The following FARP1 variants were observed in gnomAD, a reference collection of about 807,000 sequenced individuals.
FARP1 encodes the protein FERM, ARH/RhoGEF and pleckstrin domain protein 1, also known as FERM, ARHGEF and pleckstrin domain-containing protein 1.
Under a neutral mutation model 128.8 loss-of-function variants are expected in FARP1, and 52 were observed. That is an observed-to-expected ratio of 0.40 (90% confidence interval 0.32 to 0.51). The LOEUF is 0.51. FARP1 is among the 20% of genes least tolerant of loss of function. The pLI, the probability that FARP1 is intolerant of heterozygous loss-of-function variation, is 0.45. For missense variants in FARP1, 1,333 were observed against 1,367.9 expected (o/e 0.97, Z 0.40); for synonymous variants, 580 against 551.8 (o/e 1.05, Z -0.72).
intron 2 of FARP1, among the ~76,000 whole-genome samples, chr13:98,307,302 T>A (rs1811569): frequency 6.6e-6 from 1 of 151,678 alleles, no homozygotes; most frequent in Admixed American, 6.6e-5. Flanking sequence ...TGAAATGTAT[T>A]GGAGGTTGAA....
At chr13:98,210,061 T>C (rs191199018) in intron 1 of FARP1, among the ~76,000 whole-genome samples, 2 of 151,900 alleles carry the variant, frequency 1.3e-5, no homozygotes, top group Non-Finnish European at 2.9e-5. Context: ...GATACTATAG[T>C]ACAATGTATA....
chr13:98,372,348 G>A (rs1594457323), intron 5 of FARP1, among the ~76,000 whole-genome samples: 2 of 152,160 alleles, frequency 1.3e-5, no homozygotes, highest in African/African-American at 4.8e-5. Context: ...GCCTCCCAAA[G>A]TGCTGGCATT....
In FARP1 at chr13:98,377,884, C is replaced by T. The variant is rs1448302943; in HGVS notation, c.462C>T (p.Thr154=). 1 of 1,613,732 alleles carries T rather than the reference C, an allele frequency of 6.2e-7. No homozygotes were observed. Among genetic ancestry groups the T allele is most frequent in the Non-Finnish European group, 8.5e-7 (1 of 1,179,614 alleles). The change falls in exon 6 of 27, where the codon ACC becomes ACT. Residue 154 remains threonine, a synonymous_variant. Coordinates refer to ENST00000319562, the MANE Select transcript of FARP1 (RefSeq NM_005766.4). The stretch of plus-strand genomic sequence containing the variant: ...AAGGCAGGTTGACGTGTAATGACAC[C>T]AGCGCAGCTCTCTTGATTTCACACA... ...LAQGRLTCND[T]SAALLISHIV... is the part of the protein sequence containing the mutation.
In FARP1 at chr13:98,448,165, AGCGATGCC is replaced by A. The variant is rs1183044533; in HGVS notation, c.3057-70_3057-63del. The A allele has an allele frequency of 3.9e-4, 514 of 1,309,796 alleles. No individual in the cohort carries two copies. In the African/African-American group the frequency reaches 4.8e-3, roughly 12 times the overall value. 81.1% of individuals were successfully genotyped at this position (1,309,796 alleles called of 1,614,324 possible). A position where few individuals can be genotyped will look rare whatever the true frequency, so the allele number is the denominator to read the frequency against. ...CCTGACTTCACCTTGTGTTTCTGTA[AGCGATGCC>A]CACCAAAGTGTCAGGAGTCCGTCCA... is the stretch of plus-strand genomic sequence containing the variant. On this transcript the variant is annotated intron_variant, in intron 26 of 26. Transcript: ENST00000319562.
intron 1 of FARP1, among the ~76,000 whole-genome samples, chr13:98,152,559 G>A (rs79909667): frequency 6.6e-6 from 1 of 152,070 alleles, no homozygotes; most frequent in Non-Finnish European, 1.5e-5. Flanking sequence ...TTTAGATCTT[G>A]CGCACCTGGA....
rs1238334779 is a variant in FARP1, at chr13:98,256,960, T to G, written c.171+43547T>G. Among the ~76,000 whole-genome samples, 4 of 109,498 alleles carry G rather than the reference T, an allele frequency of 3.7e-5. 1 individual carries two copies. The highest frequency in any genetic ancestry group is 2.9e-4 in the Admixed American group (3 of 10,476). The allele number at this position is 109,498 out of a possible 152,430, so 71.8% of individuals were successfully genotyped here. A position where few individuals can be genotyped will look rare whatever the true frequency, so the allele number is the denominator to read the frequency against. ...AAGTATATATGTGGATATATATATA[T>G]ATATATATATATATATATATATATA... On this transcript the variant is annotated intron_variant, in intron 2 of 26. Coordinates refer to ENST00000319562, the MANE Select transcript of FARP1 (RefSeq NM_005766.4).
At chr13:98,227,466 CAG>C (rs1881863085) in intron 2 of FARP1, among the ~76,000 whole-genome samples, 2 of 135,374 alleles carry the variant, frequency 1.5e-5, no homozygotes, top group African/African-American at 5.6e-5. Flanking sequence ...AAAAAAAAAA[CAG>C]AAAAAAACGA....
At chr13:98,380,547 T>A (rs1214233045) in intron 6 of FARP1, among the ~76,000 whole-genome samples, 8 of 152,264 alleles carry the variant, frequency 5.3e-5, no homozygotes, top group African/African-American at 1.7e-4. Context: ...TGTGTACATA[T>A]ATCAAAAGAT....
At chr13:98,290,703 G>A (rs774587240) in intron 2 of FARP1, among the ~76,000 whole-genome samples, 6 of 152,092 alleles carry the variant, frequency 3.9e-5, no homozygotes, top group Non-Finnish European at 5.9e-5. Flanking sequence ...GAGTAACATC[G>A]TACTGGTGTA....
intron 2 of FARP1, among the ~76,000 whole-genome samples, chr13:98,318,963 T>TG (rs1402114084): frequency 0.014 from 1,942 of 134,772 alleles, 44 homozygotes; most frequent in African/African-American, 0.049. Context: ...TTTTTTTTTT[T>TG]TTTTTTGTTT....
At chr13:98,195,620 G>T (rs938381560) in intron 1 of FARP1, among the ~76,000 whole-genome samples, 1 of 152,120 alleles carries the variant, frequency 6.6e-6, no homozygotes, top group African/African-American at 2.4e-5. Context: ...TCTTTTGTGG[G>T]TACTCAGTGT....
chr13:98,431,461 ATTT>A (rs34662991), intron 18 of FARP1, 181 bp downstream of exon 18: 3,304 of 336,744 alleles, frequency 9.8e-3, no homozygotes, highest in South Asian at 0.014. Flanking sequence ...TTACATCTTG[ATTT>A]TTTTTTTTTT....
chr13:98,424,796 C>T (rs1290844136), intron 17 of FARP1, 146 bp downstream of exon 17: 18 of 654,234 alleles, frequency 2.8e-5, no homozygotes, highest in Non-Finnish European at 4.2e-5. Flanking sequence ...CACCGCCGAG[C>T]AGCAGCTTAC....
intron 2 of FARP1, among the ~76,000 whole-genome samples, chr13:98,327,324 C>G (rs1887277443): frequency 6.6e-6 from 1 of 152,086 alleles, no homozygotes; most frequent in Non-Finnish European, 1.5e-5. Context: ...GTCATCGAAA[C>G]CCATGTTTCT....
At chr13:98,365,279 G>A (rs587377) in intron 3 of FARP1, 116 bp from the exon 4 acceptor site, 362,759 of 689,056 alleles carry the variant, frequency 0.53, 102,068 homozygotes, top group Non-Finnish European at 0.61. Context: ...AATGGAACAG[G>A]CGGCCTCATA....
intron 2 of FARP1, among the ~76,000 whole-genome samples, chr13:98,271,014 G>A (rs1312882781): frequency 6.6e-6 from 1 of 152,186 alleles, no homozygotes; most frequent in East Asian, 1.9e-4. Flanking sequence ...AATTGCAGTT[G>A]TGTGAGCTCT....
chr13:98,390,211 G>A (rs553712899), intron 10 of FARP1, 91 bp downstream of exon 10: 5 of 1,392,360 alleles, frequency 3.6e-6, no homozygotes, highest in Non-Finnish European at 4.9e-6. Context: ...GGTCAGGGAG[G>A]TGAACGCTCA....
Position 98,278,894 on chromosome 13 carries a change from C to T in FARP1, c.172-64868C>T, listed in dbSNP as rs80259452. ...AGGCTGGAGTGCAGTGGTGCGATCT[C>T]GGCTCACTGCAACCTCCGCCTCCCG... On this transcript the variant is annotated intron_variant, in intron 2 of 26. Transcript: ENST00000319562. 2.0e-4 allele frequency among the ~76,000 whole-genome samples: 30 copies of T among 152,066 alleles called. No homozygotes were observed. The East Asian group carries it at 4.5e-3, about 23-fold the overall frequency.
Position 98,371,427 on chromosome 13 carries a change from C to T in FARP1, c.398+3232C>T, listed in dbSNP as rs609731. On this transcript the variant is annotated intron_variant, in intron 5 of 26. Transcript: ENST00000319562. ...TGATAAATTCCTAAAGTTACACGAG[C>T]TCAGCTGGACGGAGCAGGTTTTTGT... Among the ~76,000 whole-genome samples the T allele has an allele frequency of 5.4e-3, 817 of 152,278 alleles. 12 individuals carry two copies. Among genetic ancestry groups the T allele is most frequent in the African/African-American group, 0.019 (781 of 41,546 alleles).
Sources: allele counts gnomAD v4.1 joint callset (sites outside exome capture counted in the v4.1 genomes callset), GRCh38; gene constraint gnomAD v4.1.1; transcripts MANE v1.5; gene names NCBI Gene and HGNC (gene_info 2026-07-23, HGNC 2026-07-21).